The following ARHGAP20 variants were observed in gnomAD, a reference collection of about 807,000 sequenced individuals.
The protein encoded by ARHGAP20 is rho GTPase-activating protein 20.
ARHGAP20 carries 34 observed loss-of-function variants against 73.7 expected under a neutral mutation model. The observed-to-expected ratio is 0.46, with a 90% confidence interval of 0.35 to 0.61. The LOEUF (loss-of-function observed/expected upper bound fraction) is 0.61, where lower values mean the gene tolerates loss of function less well. Ranked by LOEUF, ARHGAP20 falls within the 20% of genes least tolerant of loss-of-function variation. The pLI, the probability that ARHGAP20 is intolerant of heterozygous loss-of-function variation, is 0.00. For missense variants in ARHGAP20, 1,314 were observed against 1,420.9 expected, an observed-to-expected ratio of 0.92 and a Z score of 1.21; for synonymous variants, 523 against 518.2, an observed-to-expected ratio of 1.01 and a Z score of -0.13.
chr11:110,680,147 T>C (rs1950010514), intron 2 of ARHGAP20, among the ~76,000 whole-genome samples: 1 of 152,166 alleles, frequency 6.6e-6, no homozygotes, highest in African/African-American at 2.4e-5. Context: ...CCAAATACAT[T>C]ATAAAATTAA....
intron 2 of ARHGAP20, among the ~76,000 whole-genome samples, chr11:110,674,190 T>A (rs930871701): frequency 1.3e-5 from 2 of 152,148 alleles, no homozygotes; most frequent in African/African-American, 2.4e-5. Flanking sequence ...TGCCTCAGCC[T>A]CCCAAAGTGC....
intron 2 of ARHGAP20, among the ~76,000 whole-genome samples, chr11:110,669,785 A>C (rs1305046780): frequency 6.6e-6 from 1 of 152,146 alleles, no homozygotes; most frequent in Non-Finnish European, 1.5e-5. Flanking sequence ...CTTACAACCC[A>C]GCCATTCCAC....
rs1947315842 is a variant in ARHGAP20, at chr11:110,577,460, CCTG to C, written c.*1907_*1909del. The C allele has an allele frequency of 2.3e-5, 24 of 1,042,354 alleles. No homozygotes were observed. The highest frequency in any genetic ancestry group is 2.7e-5 in the Non-Finnish European group (24 of 873,540). 64.6% of individuals were successfully genotyped at this position (1,042,354 alleles called of 1,614,324 possible). On this transcript the variant is annotated 3_prime_UTR_variant, in exon 15 of 15. Coordinates refer to ENST00000683387, the MANE Select transcript of ARHGAP20 (RefSeq NM_001384657.1). Reference sequence around the variant, plus strand: ...TTCAAATTGGGTGAATGATTTTTTACCTGCTAACATGAAAAAAAAAAAAAAGGC... The same window carrying C: ...TTCAAATTGGGTGAATGATTTTTTACCTAACATGAAAAAAAAAAAAAAGGC...
At chr11:110,700,695 T>C (rs1305236380) in intron 1 of ARHGAP20, among the ~76,000 whole-genome samples, 3 of 151,272 alleles carry the variant, frequency 2.0e-5, no homozygotes, top group South Asian at 2.1e-4. Context: ...CCCACTAACT[T>C]GTCATCTAGC....
chr11:110,617,211 A>G (rs1420482101), intron 4 of ARHGAP20, among the ~76,000 whole-genome samples: 1 of 151,398 alleles, frequency 6.6e-6, no homozygotes, highest in Admixed American at 6.6e-5. Context: ...AGATTTAATT[A>G]TATTACTACA....
chr11:110,605,759 C>A (rs1948211446), intron 9 of ARHGAP20, among the ~76,000 whole-genome samples: 1 of 152,244 alleles, frequency 6.6e-6, no homozygotes, highest in Non-Finnish European at 1.5e-5. Context: ...AGTGATCTCT[C>A]AAGGTCTACG....
At chr11:110,657,889 C>T (rs544302946) in intron 2 of ARHGAP20, among the ~76,000 whole-genome samples, 37 of 132,394 alleles carry the variant, frequency 2.8e-4, no homozygotes, top group East Asian at 8.8e-4. Flanking sequence ...AGTGAGACTC[C>T]GACAAAAAAA....
intron 3 of ARHGAP20, among the ~76,000 whole-genome samples, chr11:110,627,332 ATCTG>A (rs1212657026): frequency 6.6e-6 from 1 of 152,078 alleles, no homozygotes; most frequent in Non-Finnish European, 1.5e-5. Flanking sequence ...ACCTCAGGTG[ATCTG>A]TCTGCCTCGG....
intron 2 of ARHGAP20, among the ~76,000 whole-genome samples, chr11:110,653,522 A>G (rs1949402526): frequency 6.6e-6 from 1 of 152,232 alleles, no homozygotes; most frequent in Non-Finnish European, 1.5e-5. Flanking sequence ...CCACAATGAG[A>G]TACCATCTCA....
intron 10 of ARHGAP20, among the ~76,000 whole-genome samples, chr11:110,591,312 G>A (rs1947823585): frequency 6.6e-6 from 1 of 152,172 alleles, no homozygotes; most frequent in Non-Finnish European, 1.5e-5. Flanking sequence ...ATTTGTAAAC[G>A]GATGAGATGA....
At chr11:110,609,827 A>G (rs987301187) in intron 7 of ARHGAP20, among the ~76,000 whole-genome samples, 1 of 151,926 alleles carries the variant, frequency 6.6e-6, no homozygotes, top group African/African-American at 2.4e-5. Context: ...CATAAAAACC[A>G]TTCCACCCCC....
At chr11:110,661,708 T>C (rs1263168906) in intron 2 of ARHGAP20, among the ~76,000 whole-genome samples, 1 of 152,088 alleles carries the variant, frequency 6.6e-6, no homozygotes, top group African/African-American at 2.4e-5. Flanking sequence ...CACGAATAGA[T>C]ATTTAAATTA....
intron 2 of ARHGAP20, among the ~76,000 whole-genome samples, chr11:110,638,061 T>G (rs1056317445): frequency 3.3e-4 from 50 of 152,110 alleles, no homozygotes; most frequent in African/African-American, 1.2e-3. Context: ...GGACATTGCA[T>G]TTTGTAATAC....
chr11:110,648,183 ATATATGTAAAT>A (rs1949246973), intron 2 of ARHGAP20, among the ~76,000 whole-genome samples: 1 of 105,608 alleles, frequency 9.5e-6, no homozygotes, highest in Non-Finnish European at 1.9e-5. Flanking sequence ...ATATATATAT[ATATATGTAAAT>A]ATATATATAT....
At chr11:110,621,074 C>CAAA (rs34424855) in intron 4 of ARHGAP20, among the ~76,000 whole-genome samples, 515 of 45,328 alleles carry the variant, frequency 0.011, 16 homozygotes, top group South Asian at 0.024. Flanking sequence ...AACTCCATCT[C>CAAA]AAAAAAAAAA....
intron 2 of ARHGAP20, among the ~76,000 whole-genome samples, chr11:110,651,384 C>T (rs1054174771): frequency 6.6e-6 from 1 of 151,862 alleles, no homozygotes; most frequent in Non-Finnish European, 1.5e-5. Flanking sequence ...CAGAGTGGAA[C>T]TGAAGAAGGT....
At chr11:110,664,928 A>G (rs1428137885) in intron 2 of ARHGAP20, among the ~76,000 whole-genome samples, 1 of 152,114 alleles carries the variant, frequency 6.6e-6, no homozygotes, top group Admixed American at 6.5e-5. Context: ...TATTGTTAAG[A>G]TATCAATTCT....
chr11:110,604,073 G>T (rs1422983530), intron 9 of ARHGAP20, among the ~76,000 whole-genome samples: 1 of 151,970 alleles, frequency 6.6e-6, no homozygotes, highest in Non-Finnish European at 1.5e-5. Flanking sequence ...GTGGAAATTT[G>T]TTTTTTCTCC....
chr11:110,592,246 G>A, intron 9 of ARHGAP20, 91 bp from the exon 10 acceptor site: 1 of 1,223,222 alleles, frequency 8.2e-7, no homozygotes, highest in Non-Finnish European at 1.1e-6. Context: ...TTGTTGCTAT[G>A]GCTCAAAGAG....
Sources: gnomAD v4.1 joint callset for allele counts (sites outside exome capture counted in the v4.1 genomes callset) on GRCh38, gnomAD v4.1.1 for gene constraint, MANE v1.5 for transcripts, NCBI Gene and HGNC (gene_info 2026-07-23, HGNC 2026-07-21) for gene names.